Variants in SHC4 observed in about 807,000 individuals in gnomAD.
SHC4 encodes the protein SHC-transforming protein 4.
SHC4 carries 41 observed loss-of-function variants against 69.4 expected under a neutral mutation model. The observed-to-expected ratio is 0.59, with a 90% confidence interval of 0.46 to 0.77. The LOEUF is 0.77. Ranked by LOEUF, SHC4 falls within the 30% of genes least tolerant of loss-of-function variation. The pLI, the probability that SHC4 is intolerant of heterozygous loss-of-function variation, is 0.00. For synonymous variants in SHC4, 318 were observed against 299.3 expected (o/e 1.06, Z -0.64); for missense variants, 777 against 783.8 (o/e 0.99, Z 0.10).
chr15:48,886,586 C>G (rs890186805), intron 3 of SHC4, among the ~76,000 whole-genome samples: 11 of 152,084 alleles, frequency 7.2e-5, no homozygotes, highest in African/African-American at 2.7e-4. Context: ...CTCCGGAACC[C>G]CCTCAATGTT....
intron 4 of SHC4, among the ~76,000 whole-genome samples, chr15:48,883,065 T>G (rs1053690038): frequency 6.6e-6 from 1 of 152,146 alleles, no homozygotes; most frequent in African/African-American, 2.4e-5. Context: ...TTTTTTTAAT[T>G]TAGAAAATAA....
At chr15:48,895,301 T>A (rs1355803118) in intron 2 of SHC4, among the ~76,000 whole-genome samples, 1 of 152,042 alleles carries the variant, frequency 6.6e-6, no homozygotes, top group African/African-American at 2.4e-5. Context: ...AGAATGCAAA[T>A]CCAGTTCTGA....
intron 1 of SHC4, among the ~76,000 whole-genome samples, chr15:48,951,738 C>A (rs1347847116): frequency 6.6e-6 from 1 of 152,186 alleles, no homozygotes; most frequent in Non-Finnish European, 1.5e-5. Flanking sequence ...AGGTAAGATA[C>A]CTCTTCCTCC....
chr15:48,932,129 G>A (rs1314141692), intron 1 of SHC4, among the ~76,000 whole-genome samples: 2 of 151,992 alleles, frequency 1.3e-5, no homozygotes, highest in African/African-American at 2.4e-5. Context: ...CTTTCCCAGT[G>A]CAGCCAGCAC....
intron 6 of SHC4, among the ~76,000 whole-genome samples, chr15:48,860,505 CAAAAAT>C (rs1407294967): frequency 3.3e-5 from 5 of 151,170 alleles, no homozygotes; most frequent in Admixed American, 2.6e-4. Context: ...AACTCCATCT[CAAAAAT>C]AAAAATAATA....
chr15:48,863,763 A>T (rs1046881903), intron 6 of SHC4, among the ~76,000 whole-genome samples: 9 of 152,112 alleles, frequency 5.9e-5, no homozygotes, highest in Admixed American at 5.2e-4. Context: ...TGTGTGTCTG[A>T]TTGCTAGTGA....
chr15:48,888,594 T>A (rs1326483925), intron 3 of SHC4, among the ~76,000 whole-genome samples: 2 of 152,054 alleles, frequency 1.3e-5, no homozygotes. Flanking sequence ...ACTGTACACT[T>A]AAAAAGGGTT....
intron 8 of SHC4, among the ~76,000 whole-genome samples, chr15:48,853,103 G>C (rs1437066402): frequency 2.6e-5 from 4 of 151,792 alleles, no homozygotes; most frequent in Non-Finnish European, 4.4e-5. Context: ...CTGCCAAAAG[G>C]CTCCTGGAAC....
intron 2 of SHC4, among the ~76,000 whole-genome samples, chr15:48,914,153 G>A (rs757817850): frequency 6.6e-5 from 10 of 152,214 alleles, no homozygotes; most frequent in Non-Finnish European, 1.2e-4. Context: ...GAGCCACCGC[G>A]CCCGGCGCGA....
chr15:48,927,955 C>A (rs11853684), intron 1 of SHC4, among the ~76,000 whole-genome samples: 34,111 of 152,158 alleles, frequency 0.22, 4,661 homozygotes, highest in East Asian at 0.43. Flanking sequence ...CAATCACTGC[C>A]ATATTCCCTG....
chr15:48,946,666 C>T (rs1901282919), intron 1 of SHC4: 1 of 870,906 alleles, frequency 1.1e-6, no homozygotes, highest in Non-Finnish European at 1.4e-6. Context: ...CCATTCCTTG[C>T]TTATCTTTCT....
intron 1 of SHC4, among the ~76,000 whole-genome samples, chr15:48,954,691 C>T (rs1249397865): frequency 6.6e-6 from 1 of 152,136 alleles, no homozygotes; most frequent in Non-Finnish European, 1.5e-5. Flanking sequence ...GCCAGGGTGG[C>T]GCTGCTGGCC....
chr15:48,920,696 G>A (rs893700265), intron 2 of SHC4, among the ~76,000 whole-genome samples: 3 of 152,108 alleles, frequency 2.0e-5, no homozygotes, highest in Non-Finnish European at 2.9e-5. Flanking sequence ...CATTTATATT[G>A]TTTGACCTAG....
intron 2 of SHC4, among the ~76,000 whole-genome samples, chr15:48,891,645 A>G (rs1900139861): frequency 6.6e-6 from 1 of 152,256 alleles, no homozygotes; most frequent in Non-Finnish European, 1.5e-5. Context: ...AGGCAAATGG[A>G]AATCTCTTCT....
At chr15:48,887,346 C>T (rs181776231) in intron 3 of SHC4, among the ~76,000 whole-genome samples, 26 of 152,296 alleles carry the variant, frequency 1.7e-4, no homozygotes, top group African/African-American at 6.3e-4. Context: ...CTCCTCCATA[C>T]ACTGACTGGG....
At chr15:48,938,518 C>T (rs1425463338) in intron 1 of SHC4, 1 of 152,222 alleles carries the variant, frequency 6.6e-6, no homozygotes, top group African/African-American at 2.4e-5. Flanking sequence ...AATTCTTCAT[C>T]TTCCCAGCAC....
chr15:48,926,478 T>G (rs530906168), intron 1 of SHC4, among the ~76,000 whole-genome samples: 1 of 152,134 alleles, frequency 6.6e-6, no homozygotes, highest in East Asian at 1.9e-4. Context: ...TTTTTTTTCT[T>G]TTGAGATGGA....
chr15:48,838,659 G>A (rs1447550172), intron 10 of SHC4, among the ~76,000 whole-genome samples: 1 of 152,138 alleles, frequency 6.6e-6, no homozygotes, highest in Non-Finnish European at 1.5e-5. Flanking sequence ...ATAGCAATTA[G>A]TATATAGTAA....
At chr15:48,832,883 A>C (rs1249914623) in intron 11 of SHC4, among the ~76,000 whole-genome samples, 2 of 151,994 alleles carry the variant, frequency 1.3e-5, no homozygotes, top group East Asian at 3.9e-4. Context: ...TTCAGGTCCA[A>C]AATTTCTGTC....
Sources: gnomAD v4.1 joint callset for allele counts (sites outside exome capture counted in the v4.1 genomes callset) on GRCh38, gnomAD v4.1.1 for gene constraint, MANE v1.5 for transcripts, NCBI Gene and HGNC (gene_info 2026-07-23, HGNC 2026-07-21) for gene names.